HHAT: variants seen among roughly 807,000 people sequenced by gnomAD.
HHAT encodes protein-cysteine N-palmitoyltransferase HHAT.
A neutral mutation model predicts 70.8 loss-of-function variants in HHAT; 47 were observed. The observed-to-expected ratio is 0.66, with a 90% CI of 0.53 to 0.85. The LOEUF (loss-of-function observed/expected upper bound fraction) is 0.85. HHAT is among the 40% of genes least tolerant of loss of function. The pLI, the probability that HHAT is intolerant of heterozygous loss-of-function variation, is 0.00. For missense variants in HHAT, 609 were observed against 604.8 expected (o/e 1.01, Z -0.07); for synonymous variants, 228 against 247.6 (o/e 0.92, Z 0.74).
chr1:210,513,009 T>G lies in HHAT; in HGVS notation c.1008-144T>G, dbSNP rs1051751206. ...AACAAGTTCCCAGGAATGCTGCTGCTCCAGCAGCCACATCTTGAGAACTAC... is the reference window on the plus strand; with the variant it reads ...AACAAGTTCCCAGGAATGCTGCTGCGCCAGCAGCCACATCTTGAGAACTAC... On this transcript the variant is annotated intron_variant, in intron 8 of 11. Transcript: ENST00000261458. 5.3e-6 allele frequency: 3 copies of G among 560,784 alleles called. No individual in the cohort carries two copies. The African/African-American group carries it at 6.0e-5, about 11-fold the overall frequency. The allele number at this position is 560,784 out of a possible 1,614,324, so 34.7% of individuals were successfully genotyped here. A position where few individuals can be genotyped will look rare whatever the true frequency, so the allele number is the denominator to read the frequency against.
rs1325776146 is a variant in HHAT at position 210,474,614 on chromosome 1, A to G, written c.1007+9959A>G. 5.3e-5 allele frequency among the ~76,000 whole-genome samples: 8 copies of G among 152,160 alleles called. No individual in the cohort carries two copies. In the South Asian group the frequency reaches 1.4e-3, roughly 28 times the overall value. On this transcript the variant is annotated intron_variant, in intron 8 of 11. Transcript: ENST00000261458. ...CTTCCTGGGCCCATCCTCCAGCGGCATGCATTCCAGGTTCTGTGTTTCTTT... is the reference window on the plus strand; with the variant it reads ...CTTCCTGGGCCCATCCTCCAGCGGCGTGCATTCCAGGTTCTGTGTTTCTTT...
intron 7 of HHAT, among the ~76,000 whole-genome samples, chr1:210,432,468 T>A (rs780206365): frequency 5.9e-5 from 9 of 151,924 alleles, no homozygotes; most frequent in Non-Finnish European, 1.2e-4. Flanking sequence ...TTTTGGCAAA[T>A]GGGAGGTCAT....
intron 7 of HHAT, among the ~76,000 whole-genome samples, chr1:210,426,553 G>A (rs2093067870): frequency 6.6e-6 from 1 of 152,094 alleles, no homozygotes; most frequent in South Asian, 2.1e-4. Context: ...AACCATGAAT[G>A]GATGCTGTAT....
intron 3 of HHAT, among the ~76,000 whole-genome samples, chr1:210,369,381 G>A (rs1253338390): frequency 6.6e-6 from 1 of 152,172 alleles, no homozygotes; most frequent in Admixed American, 6.5e-5. Context: ...AGAGGCAGAC[G>A]GGAGCTTGAA....
rs111926302 is a variant in HHAT, at chr1:210,385,660, G to C, written c.160-1808G>C. ...AGCATGTGTAATCTGAGAATGCGCA[G>C]TATTGTATTTCCTTATTTGAAGAAA... On this transcript the variant is annotated intron_variant, in intron 3 of 11. Coordinates refer to ENST00000261458, the MANE Select transcript of HHAT (RefSeq NM_018194.6). 4.8e-3 allele frequency among the ~76,000 whole-genome samples: 727 copies of C among 152,332 alleles called. 5 individuals carry two copies. The highest frequency in any genetic ancestry group is 0.016 in the African/African-American group (686 of 41,580).
chr1:210,602,141 C>T (rs1042792892), intron 10 of HHAT, among the ~76,000 whole-genome samples: 3 of 151,934 alleles, frequency 2.0e-5, no homozygotes, highest in African/African-American at 7.3e-5. Flanking sequence ...GGAAGTGGTC[C>T]ACGGTGGTGA....
chr1:210,548,740 A>C (rs1345396211), intron 9 of HHAT, among the ~76,000 whole-genome samples: 1 of 152,224 alleles, frequency 6.6e-6, no homozygotes, highest in Non-Finnish European at 1.5e-5. Context: ...TTAATTGAAA[A>C]TTACAGAAGC....
At position 210,606,610 on chromosome 1, in the gene HHAT, TCTC is replaced by T. The variant is rs1414397154; in HGVS notation, c.1246-16912_1246-16910del. Among the ~76,000 whole-genome samples the T allele has an allele frequency of 2.6e-5, 4 of 152,330 alleles. No homozygotes were observed. The East Asian group carries it at 5.8e-4, about 22-fold the overall frequency. ...TTAGCTGTTGCACTGATGCTTCCCTTCTCCTCTCTCCTTTAACAAATCCCTGTT... is the reference window on the plus strand; with the variant it reads ...TTAGCTGTTGCACTGATGCTTCCCTTCTCTCTCCTTTAACAAATCCCTGTT... On this transcript the variant is annotated intron_variant, in intron 10 of 11. Transcript: ENST00000261458.
intron 1 of HHAT, among the ~76,000 whole-genome samples, chr1:210,343,931 C>G (rs1167322415): frequency 6.6e-6 from 1 of 152,190 alleles, no homozygotes; most frequent in Non-Finnish European, 1.5e-5. Flanking sequence ...AGTGCTTATT[C>G]ACTGCCAGGC....
chr1:210,475,334 A>G (rs2094288448), intron 8 of HHAT, among the ~76,000 whole-genome samples: 1 of 152,172 alleles, frequency 6.6e-6, no homozygotes, highest in South Asian at 2.1e-4. Context: ...CTTCTTGCAC[A>G]GGGGTTGCTG....
In HHAT at chr1:210,623,807, G is replaced by C. The variant is rs1237863150; in HGVS notation, c.1390+137G>C. 3 of 933,480 alleles carry C rather than the reference G, an allele frequency of 3.2e-6. No homozygotes were observed. The African/African-American group carries it at 5.0e-5, about 15-fold the overall frequency. 57.8% of individuals were successfully genotyped at this position (933,480 alleles called of 1,614,324 possible). On this transcript the variant is annotated intron_variant, in intron 11 of 11. Coordinates refer to ENST00000261458, the MANE Select transcript of HHAT (RefSeq NM_018194.6). ...ATGGCATGTGACCTCTAAAGTACCA[G>C]CCAGGAATAATTTCCTAAGTTTGAC...
chr1:210,401,211 T>G (rs1290498158), intron 5 of HHAT, among the ~76,000 whole-genome samples: 2 of 152,102 alleles, frequency 1.3e-5, no homozygotes, highest in African/African-American at 4.8e-5. Flanking sequence ...GCCTCCTGGG[T>G]TCAAGCGATT....
At chr1:210,355,015 T>C (rs1444032027) in intron 2 of HHAT, among the ~76,000 whole-genome samples, 2 of 152,146 alleles carry the variant, frequency 1.3e-5, no homozygotes, top group Non-Finnish European at 2.9e-5. Context: ...TTAATGAAGG[T>C]TTGTGGTTGT....
intron 9 of HHAT, among the ~76,000 whole-genome samples, chr1:210,560,813 T>TAAAAAAA (rs1378947732): frequency 1.5e-5 from 1 of 64,536 alleles, no homozygotes; most frequent in Non-Finnish European, 2.8e-5. Flanking sequence ...ACCCTGTGTC[T>TAAAAAAA]TAAAAAAAAA....
At chr1:210,549,092 G>A (rs1045295398) in intron 9 of HHAT, among the ~76,000 whole-genome samples, 1 of 152,190 alleles carries the variant, frequency 6.6e-6, no homozygotes, top group African/African-American at 2.4e-5. Flanking sequence ...TAATCTCTCT[G>A]TGCCTCAGTT....
intron 1 of HHAT, among the ~76,000 whole-genome samples, chr1:210,339,044 A>G (rs979606052): frequency 6.6e-6 from 1 of 152,120 alleles, no homozygotes; most frequent in African/African-American, 2.4e-5. Flanking sequence ...ACCCTGTCTC[A>G]AAACAAAAAC....
intron 2 of HHAT, among the ~76,000 whole-genome samples, chr1:210,359,321 G>A (rs2087990613): frequency 6.6e-6 from 1 of 152,154 alleles, no homozygotes; most frequent in Non-Finnish European, 1.5e-5. Context: ...TAACAAATTA[G>A]TCATAAAATT....
intron 9 of HHAT, among the ~76,000 whole-genome samples, chr1:210,552,042 G>C (rs1338218686): frequency 6.6e-6 from 1 of 152,212 alleles, no homozygotes; most frequent in African/African-American, 2.4e-5. Context: ...ATGACCCGCA[G>C]AGTGCTGCAG....
chr1:210,567,450 T>A (rs1424879860), intron 9 of HHAT, among the ~76,000 whole-genome samples: 1 of 152,200 alleles, frequency 6.6e-6, no homozygotes, highest in Non-Finnish European at 1.5e-5. Flanking sequence ...GTAATACCTG[T>A]AAAATGTTCA....
Sources: gnomAD v4.1 joint callset for allele counts (sites outside exome capture counted in the v4.1 genomes callset) on GRCh38, gnomAD v4.1.1 for gene constraint, MANE v1.5 for transcripts, NCBI Gene and HGNC (gene_info 2026-07-23, HGNC 2026-07-21) for gene names.